The following FCGR2A variants were observed in gnomAD, a reference collection of about 807,000 sequenced individuals.
The protein encoded by FCGR2A is Fc gamma receptor IIa, also known as low affinity immunoglobulin gamma Fc region receptor II-a.
Under a neutral mutation model 29.3 loss-of-function variants are expected in FCGR2A, and 18 were observed. The ratio of observed to expected loss-of-function variants is 0.62; its 90% CI spans 0.43 to 0.91. FCGR2A has a LOEUF of 0.91. Among genes scored for constraint, FCGR2A ranks in the 40% least tolerant of loss-of-function variants. The pLI is 0.00. For synonymous variants in FCGR2A, 126 were observed against 144.8 expected, an observed-to-expected ratio of 0.87 and a Z score of 0.93; for missense variants, 287 against 393.0, an observed-to-expected ratio of 0.73 and a Z score of 2.28.
At chr1:161,512,309 TGGAACACTAAGA>T (rs922469813) in intron 5 of FCGR2A, among the ~76,000 whole-genome samples, 7 of 147,328 alleles carry the variant, frequency 4.8e-5, no homozygotes, top group African/African-American at 1.8e-4. Context: ...CAGCTGTCTG[TGGAACACTAAGA>T]GGAGGTTTGG....
intron 3 of FCGR2A, among the ~76,000 whole-genome samples, chr1:161,509,410 A>G (rs950580264): frequency 1.3e-5 from 2 of 151,948 alleles, no homozygotes; most frequent in Non-Finnish European, 2.9e-5. Flanking sequence ...CTTCTTTGCT[A>G]ATACAGTTCA....
chr1:161,522,194 C>A (rs1245222528), downstream of FCGR2A, among the ~76,000 whole-genome samples: 3 of 151,596 alleles, frequency 2.0e-5, no homozygotes, highest in Admixed American at 1.3e-4. Context: ...GAGCAGGAAC[C>A]AGAAAAAAAT....
rs745806356 is a variant in FCGR2A, at chr1:161,506,636, G to A, written c.364+45G>A. On this transcript the variant is annotated intron_variant, in intron 3 of 6. Transcript: ENST00000271450. ...AGGGTGGACCTGGGAGGGCCAGGAC[G>A]GATGAAATCTGTTTACAGACAGAGG... 24 of 1,610,464 alleles carry A rather than the reference G, an allele frequency of 1.5e-5. No homozygotes were observed. In the East Asian group the frequency reaches 3.6e-4, roughly 24 times the overall value.
At position 161,510,237 on chromosome 1, in the gene FCGR2A, G is replaced by C. The variant is rs1207934842; in HGVS notation, c.619+163G>C. The C allele has an allele frequency of 3.1e-6, 4 of 1,299,380 alleles. No individual in the cohort carries two copies. In the African/African-American group the frequency reaches 4.5e-5, roughly 15 times the overall value. The allele number at this position is 1,299,380 out of a possible 1,614,324, so 80.5% of individuals were successfully genotyped here. ...AGCCTGGCTAAGTATTGACCAACAAGTAGGGGCCAGAGCTTGGAGCCCTCA... is the reference window on the plus strand; with the variant it reads ...AGCCTGGCTAAGTATTGACCAACAACTAGGGGCCAGAGCTTGGAGCCCTCA... On this transcript the variant is annotated intron_variant, in intron 4 of 6. Transcript: ENST00000271450.
chr1:161,523,642 TTC>T (rs972692962), downstream of FCGR2A: 1 of 152,164 alleles, frequency 6.6e-6, no homozygotes, highest in Non-Finnish European at 1.5e-5. Context: ...AGGTGTTGCG[TTC>T]TCTCTTGGGC....
Position 161,519,188 on chromosome 1 carries a change from A to C in FCGR2A, c.*1040A>C. ...AGGGATGCTGCAGTTCCAAAAGAGA[A>C]GGACTCTTCCAGAGTCATCTACCTG... On this transcript the variant is annotated 3_prime_UTR_variant, in exon 7 of 7. Coordinates refer to ENST00000271450, the MANE Select transcript of FCGR2A (RefSeq NM_001136219.3). 6.5e-6 allele frequency: 1 copy of C among 153,560 alleles called. No individual in the cohort carries two copies. The highest frequency in any genetic ancestry group is 1.9e-4 in the East Asian group (1 of 5,354). The allele number at this position is 153,560 out of a possible 1,614,324, so 9.5% of individuals were successfully genotyped here.
At chr1:161,523,804 T>C (rs1676548858), downstream of FCGR2A, 1 of 151,922 alleles carries the variant, frequency 6.6e-6, no homozygotes, top group Non-Finnish European at 1.5e-5. Flanking sequence ...TGATTAATCC[T>C]AGATGAGAAA....
At chr1:161,511,114 G>C (rs931989465) in intron 5 of FCGR2A, among the ~76,000 whole-genome samples, 158 bp downstream of exon 5, 1 of 152,204 alleles carries the variant, frequency 6.6e-6, no homozygotes, top group African/African-American at 2.4e-5. Flanking sequence ...TCCTCAACAA[G>C]AGCACTAATA....
rs1434741996 is a variant in FCGR2A, at chr1:161,519,339, A to G, written c.*1191A>G. On this transcript the variant is annotated 3_prime_UTR_variant, in exon 7 of 7. Transcript: ENST00000271450. ...GTTCCACATCCACACAGCCAATACA[A>G]TTAGTCAAACCACTGTTATTAACAG... is the stretch of plus-strand genomic sequence containing the variant. 1 of 152,618 alleles carries G rather than the reference A, an allele frequency of 6.6e-6. No homozygotes were observed. Among genetic ancestry groups the G allele is most frequent in the African/African-American group, 2.4e-5 (1 of 41,408 alleles). 9.5% of individuals were successfully genotyped at this position (152,618 alleles called of 1,614,324 possible). A position where few individuals can be genotyped will look rare whatever the true frequency, so the allele number is the denominator to read the frequency against.
intron 5 of FCGR2A, among the ~76,000 whole-genome samples, chr1:161,511,318 T>C (rs1463265754): frequency 6.6e-6 from 1 of 152,004 alleles, no homozygotes; most frequent in Non-Finnish European, 1.5e-5. Context: ...GGGTGGGGCT[T>C]ATATGAGGGG....
rs12046367 is a variant in FCGR2A, at chr1:161,518,795, T to A, written c.*647T>A. The stretch of plus-strand genomic sequence containing the variant: ...AGCTAATTTTTGTATTTTTTATTTT[T>A]TTTTTTTAGTAGAGACAGGGTTTCG... On this transcript the variant is annotated 3_prime_UTR_variant, in exon 7 of 7. Coordinates refer to ENST00000271450, the MANE Select transcript of FCGR2A (RefSeq NM_001136219.3). 6.1e-3 allele frequency: 954 copies of A among 155,136 alleles called. 34 individuals carry two copies. In the East Asian group the frequency reaches 0.12, roughly 20 times the overall value. 9.6% of individuals were successfully genotyped at this position (155,136 alleles called of 1,614,324 possible). A position where few individuals can be genotyped will look rare whatever the true frequency, so the allele number is the denominator to read the frequency against.
chr1:161,513,757 C>T lies in FCGR2A; in HGVS notation c.743-138C>T, dbSNP rs190843392. ...TACATGAGGCCATATTTACTTAGCC[C>T]TTGGCCTTACAGGACTGTGTCAAGG... On this transcript the variant is annotated intron_variant, in intron 5 of 6. Coordinates refer to ENST00000271450, the MANE Select transcript of FCGR2A (RefSeq NM_001136219.3). The T allele has an allele frequency of 1.5e-3, 1,903 of 1,264,738 alleles. 8 individuals carry two copies. The highest frequency in any genetic ancestry group is 0.013 in the African/African-American group (853 of 66,890). 78.3% of individuals were successfully genotyped at this position (1,264,738 alleles called of 1,614,324 possible). A position where few individuals can be genotyped will look rare whatever the true frequency, so the allele number is the denominator to read the frequency against.
At chr1:161,509,234 CA>C (rs1675607909) in intron 3 of FCGR2A, among the ~76,000 whole-genome samples, 1 of 152,128 alleles carries the variant, frequency 6.6e-6, no homozygotes. Flanking sequence ...GCCCCCAGAA[CA>C]GGGAGAAATA....
chr1:161,511,059 C>T (rs544359017), intron 5 of FCGR2A, 103 bp downstream of exon 5: 9 of 1,515,776 alleles, frequency 5.9e-6, no homozygotes, highest in Non-Finnish European at 8.2e-6. Flanking sequence ...GATATGCATT[C>T]CGATCTAGGC....
At chr1:161,522,108 G>A (rs539179765), downstream of FCGR2A, among the ~76,000 whole-genome samples, 34 of 152,218 alleles carry the variant, frequency 2.2e-4, no homozygotes, top group Non-Finnish European at 4.1e-4. Flanking sequence ...GAAGGTAGAG[G>A]TGGGACTGAT....
At chr1:161,506,722 C>A in intron 3 of FCGR2A, 131 bp downstream of exon 3, 2 of 1,466,404 alleles carry the variant, frequency 1.4e-6, no homozygotes, top group South Asian at 1.4e-5. Flanking sequence ...GTTGCTCATT[C>A]ATTCCCCATT....
In FCGR2A at chr1:161,506,590, C is replaced by G; in HGVS notation, c.363C>G (p.Ser121=). The change falls in exon 3 of 7, where the codon TCC becomes TCG. Residue 121 remains serine (S), a splice_region_variant and synonymous_variant. Transcript: ENST00000271450. ...LSDPVHLTVL[S]EWLVLQTPHL... is the part of the protein sequence containing the mutation. ...ACCCTGTGCATCTGACTGTGCTTTC[C>G]GGTCAGTGGAGGAAGGCCCCAGGGT... 6.2e-7 allele frequency: 1 copy of G among 1,614,030 alleles called. No homozygotes were observed.
intron 3 of FCGR2A, among the ~76,000 whole-genome samples, chr1:161,508,295 C>CT (rs35406997): frequency 0.1 from 14,776 of 145,020 alleles, 879 homozygotes; most frequent in Middle Eastern, 0.16. Context: ...ATACAGAATA[C>CT]TTTTTTTTTT....
At chr1:161,521,274 A>T (rs1025421025), downstream of FCGR2A, among the ~76,000 whole-genome samples, 1 of 151,946 alleles carries the variant, frequency 6.6e-6, no homozygotes, top group African/African-American at 2.4e-5. Context: ...TGTTTTGTTC[A>T]CTACCACATA....
Sources: gnomAD v4.1 joint callset for allele counts (sites outside exome capture counted in the v4.1 genomes callset) on GRCh38, gnomAD v4.1.1 for gene constraint, MANE v1.5 for transcripts, NCBI Gene and HGNC (gene_info 2026-07-23, HGNC 2026-07-21) for gene names.